PIAS1: variants seen among roughly 807,000 people sequenced by gnomAD.
PIAS1 encodes protein inhibitor of activated STAT 1.
A neutral mutation model predicts 71.3 loss-of-function variants in PIAS1; 6 were observed. The ratio of observed to expected loss-of-function variants is 0.08; its 90% CI spans 0.05 to 0.17. PIAS1 has a LOEUF of 0.17. Among genes scored for constraint, PIAS1 ranks in the 10% least tolerant of loss-of-function variants. The pLI, the probability that PIAS1 is intolerant of heterozygous loss-of-function variation, is 1.00. For synonymous variants in PIAS1, 303 were observed against 292.9 expected (o/e 1.03, Z -0.35); for missense variants, 555 against 793.6 (o/e 0.70, Z 3.61).
intron 1 of PIAS1, among the ~76,000 whole-genome samples, chr15:68,059,300 G>A (rs906075167): frequency 1.3e-5 from 2 of 151,766 alleles, no homozygotes; most frequent in Non-Finnish European, 2.9e-5. Context: ...AGCCACCACC[G>A]CGCCAGGCCC....
Position 68,193,202 on chromosome 15 carries a change from C to G in PIAS1, c.*5367C>G, listed in dbSNP as rs2093128225. On this transcript the variant is annotated 3_prime_UTR_variant, in exon 14 of 14. Transcript: ENST00000249636. ...CCTGTTAACAGAGCCCAGGGAACAG[C>G]TCGGAATTCTCACAGCATTGGAAGC... is the stretch of plus-strand genomic sequence containing the variant. The G allele has an allele frequency of 6.6e-6, 1 of 152,406 alleles. No individual in the cohort carries two copies. Among genetic ancestry groups the G allele is most frequent in the Non-Finnish European group, 1.5e-5 (1 of 68,198 alleles). The allele number at this position is 152,406 out of a possible 1,614,324, so 9.4% of individuals were successfully genotyped here. A position where few individuals can be genotyped will look rare whatever the true frequency, so the allele number is the denominator to read the frequency against.
chr15:68,131,261 G>T (rs1445270562), intron 2 of PIAS1, among the ~76,000 whole-genome samples: 1 of 151,992 alleles, frequency 6.6e-6, no homozygotes. Flanking sequence ...TTTATTTATT[G>T]AAAAATTATA....
chr15:68,128,400 G>A (rs1310923270), intron 2 of PIAS1, among the ~76,000 whole-genome samples: 1 of 151,984 alleles, frequency 6.6e-6, no homozygotes, highest in Non-Finnish European at 1.5e-5. Context: ...CACCTGCCTC[G>A]GCCTCCCAAA....
chr15:68,065,915 C>CTTTTTTTTTTTTTTTTTTTTTTTTTT (rs869104577), intron 1 of PIAS1, among the ~76,000 whole-genome samples: 1 of 40,174 alleles, frequency 2.5e-5, no homozygotes, highest in Non-Finnish European at 3.8e-5. Context: ...TGACTAAAAG[C>CTTTTTTTTTTTTTTTTTTTTTTTTTT]TTTTTTTTTT....
chr15:68,086,742 C>G lies in PIAS1; in HGVS notation c.461C>G (p.Thr154Ser). 6.3e-7 allele frequency: 1 copy of G among 1,598,800 alleles called. No homozygotes were observed. ...TTACTGGATGAACTGATAAAACCCA[C>G]CAGTCTAGGTAAGATTATTGTATGA... ...YDLLDELIKP[T>S]SLASDNSQRF... Residue 154 changes from threonine (T) to serine (S), a missense_variant, in exon 2 of 14, where the codon ACC (threonine) becomes AGC (serine). Thr to Ser is a moderately conservative substitution (Grantham distance 58). Transcript: ENST00000249636. This position sits in a 1 kb window ranked among gnomAD's most constrained non-coding sequence, Gnocchi z 7.2.
chr15:68,104,035 C>T (rs1406863551), intron 2 of PIAS1, among the ~76,000 whole-genome samples: 1 of 152,166 alleles, frequency 6.6e-6, no homozygotes, highest in African/African-American at 2.4e-5. Flanking sequence ...GCAGCTGTAC[C>T]ATTTATATTC....
chr15:68,186,967 G>A lies in PIAS1; in HGVS notation c.1663-575G>A, dbSNP rs535718263. Among the ~76,000 whole-genome samples, 1 of 152,332 alleles carries A rather than the reference G, an allele frequency of 6.6e-6. No homozygotes were observed. Among genetic ancestry groups the A allele is most frequent in the East Asian group, 1.9e-4 (1 of 5,192 alleles). On this transcript the variant is annotated intron_variant, in intron 13 of 13. Coordinates refer to ENST00000249636, the MANE Select transcript of PIAS1 (RefSeq NM_016166.3). This position sits in a 1 kb window ranked among gnomAD's most constrained non-coding sequence, Gnocchi z 4.4. Reference sequence around the variant, plus strand: ...AAACACATCCGTGTCATTAAGCGACGCATGACTGTATTTAAAAGTATAATG... The same window carrying A: ...AAACACATCCGTGTCATTAAGCGACACATGACTGTATTTAAAAGTATAATG...
At chr15:68,087,677 G>A (rs2092295494) in intron 2 of PIAS1, among the ~76,000 whole-genome samples, 2 of 152,134 alleles carry the variant, frequency 1.3e-5, no homozygotes, top group East Asian at 1.9e-4. Flanking sequence ...ATATTTACCC[G>A]TATAGTAAAA....
intron 7 of PIAS1, among the ~76,000 whole-genome samples, chr15:68,155,211 C>G (rs2092879058): frequency 6.6e-6 from 1 of 152,040 alleles, no homozygotes; most frequent in African/African-American, 2.4e-5. Flanking sequence ...CTCCGAGAAA[C>G]CACTATTAGC....
At chr15:68,100,344 T>C (rs1476527905) in intron 2 of PIAS1, among the ~76,000 whole-genome samples, 12 of 152,182 alleles carry the variant, frequency 7.9e-5, no homozygotes, top group Non-Finnish European at 4.4e-5. Context: ...CACATGTAAC[T>C]ACCACCACAA....
chr15:68,060,653 A>C (rs376229227), intron 1 of PIAS1, among the ~76,000 whole-genome samples: 1 of 152,198 alleles, frequency 6.6e-6, no homozygotes, highest in Non-Finnish European at 1.5e-5. Context: ...AACAAACACT[A>C]TACTGAACAT....
chr15:68,153,832 T>C, intron 7 of PIAS1, 137 bp downstream of exon 7: 1 of 544,366 alleles, frequency 1.8e-6, no homozygotes, highest in Non-Finnish European at 3.3e-6. Context: ...TTCTGATATC[T>C]TTGTCATGAG....
chr15:68,187,854 C>G lies in PIAS1; in HGVS notation c.*19C>G. 6.2e-7 allele frequency: 1 copy of G among 1,602,946 alleles called. No homozygotes were observed. Among genetic ancestry groups the G allele is most frequent in the Non-Finnish European group, 8.5e-7 (1 of 1,172,988 alleles). The stretch of plus-strand genomic sequence containing the variant: ...GGACTGATTCCCAGGCCCTGCTGCT[C>G]CCATCCCCACCCCAGATCGAATGAA... On this transcript the variant is annotated 3_prime_UTR_variant, in exon 14 of 14. Transcript: ENST00000249636. The surrounding 1 kb of genome is among the most constrained non-coding windows in gnomAD (Gnocchi z 5.3).
chr15:68,097,946 C>T (rs1369027201), intron 2 of PIAS1, among the ~76,000 whole-genome samples: 2 of 152,106 alleles, frequency 1.3e-5, no homozygotes, highest in African/African-American at 2.4e-5. Flanking sequence ...GTTTTTTAAT[C>T]AATTCTGAAT....
At chr15:68,170,236 A>T (rs1360162650) in intron 8 of PIAS1, among the ~76,000 whole-genome samples, 1 of 152,166 alleles carries the variant, frequency 6.6e-6, no homozygotes, top group East Asian at 1.9e-4. Flanking sequence ...CTATTAGGGG[A>T]TTTTGTTGTT....
intron 2 of PIAS1, among the ~76,000 whole-genome samples, chr15:68,130,145 TAC>T (rs1289982758): frequency 4.6e-5 from 7 of 152,032 alleles, no homozygotes; most frequent in African/African-American, 1.7e-4. Context: ...CATAAATATA[TAC>T]ACCTGTATAC....
chr15:68,192,730 A>T lies in PIAS1; in HGVS notation c.*4895A>T, dbSNP rs562709945. ...TGTGTCTTGTACATCCTCCCAAAAG[A>T]CACATCCCATTTGATTTGGTTTTCT... On this transcript the variant is annotated 3_prime_UTR_variant, in exon 14 of 14. Transcript: ENST00000249636. The T allele has an allele frequency of 6.6e-6, 1 of 152,240 alleles. No individual in the cohort carries two copies. Among genetic ancestry groups the T allele is most frequent in the East Asian group, 1.9e-4 (1 of 5,182 alleles). 9.4% of individuals were successfully genotyped at this position (152,240 alleles called of 1,614,324 possible).
chr15:68,175,895 T>C (rs554494505), intron 10 of PIAS1, 128 bp downstream of exon 10: 1 of 525,030 alleles, frequency 1.9e-6, no homozygotes, highest in East Asian at 3.8e-5. Flanking sequence ...CCTATTAACT[T>C]ATTGATTAAA....
chr15:68,108,243 T>G (rs1302579509), intron 2 of PIAS1, among the ~76,000 whole-genome samples: 2 of 152,160 alleles, frequency 1.3e-5, no homozygotes, highest in Non-Finnish European at 2.9e-5. Context: ...CCAGTCATGC[T>G]TTTGCTTCAT....
Sources: gnomAD v4.1 joint callset for allele counts (sites outside exome capture counted in the v4.1 genomes callset) on GRCh38, gnomAD v4.1.1 for gene constraint, Gnocchi (gnomAD v3.1) non-coding constraint, MANE v1.5 for transcripts, NCBI Gene and HGNC (gene_info 2026-07-23, HGNC 2026-07-21) for gene names.